The following EIF4G3 variants were observed in gnomAD, a reference collection of about 807,000 sequenced individuals.
The protein encoded by EIF4G3 is eIF-4-gamma 3.
In EIF4G3, 34 loss-of-function variants were observed where a neutral mutation model predicts 186.4. That is an observed-to-expected ratio of 0.18 (90% CI 0.14 to 0.24). EIF4G3 has a LOEUF of 0.24. Ranked by LOEUF, EIF4G3 falls within the 10% of genes least tolerant of loss-of-function variation. EIF4G3 has a pLI of 1.00. For missense variants in EIF4G3, 1,536 were observed against 1,948.5 expected, an observed-to-expected ratio of 0.79 and a Z score of 3.99; for synonymous variants, 673 against 679.5, an observed-to-expected ratio of 0.99 and a Z score of 0.15.
intron 14 of EIF4G3, among the ~76,000 whole-genome samples, chr1:20,927,788 C>G (rs1489916609): frequency 1.3e-5 from 2 of 152,230 alleles, no homozygotes; most frequent in Non-Finnish European, 2.9e-5. Flanking sequence ...AACCACTCTG[C>G]TTTGCCGGCC....
chr1:21,101,557 C>T (rs142188387), intron 2 of EIF4G3, among the ~76,000 whole-genome samples: 1 of 2,554 alleles, frequency 3.9e-4, no homozygotes, highest in East Asian at 0.083. Flanking sequence ...GCAACAGGGT[C>T]TCAGGAAAAA....
chr1:21,103,670 C>G (rs1312620298), intron 2 of EIF4G3, among the ~76,000 whole-genome samples: 1 of 152,096 alleles, frequency 6.6e-6, no homozygotes, highest in Non-Finnish European at 1.5e-5. Context: ...ATGGTGAAAC[C>G]TCATCTCTAC....
At chr1:21,049,094 T>C (rs780242669) in intron 4 of EIF4G3, among the ~76,000 whole-genome samples, 1 of 152,186 alleles carries the variant, frequency 6.6e-6, no homozygotes, top group Admixed American at 6.5e-5. Flanking sequence ...GGGAAACAGA[T>C]ATGCAGTAAG....
chr1:21,018,857 G>A (rs1307482875), intron 4 of EIF4G3, among the ~76,000 whole-genome samples: 2 of 151,828 alleles, frequency 1.3e-5, no homozygotes, highest in Non-Finnish European at 2.9e-5. Context: ...GCCCTTATCT[G>A]AAGCAGGTGT....
At chr1:20,926,633 C>T (rs1410343784) in intron 14 of EIF4G3, among the ~76,000 whole-genome samples, 4 of 150,330 alleles carry the variant, frequency 2.7e-5, no homozygotes, top group African/African-American at 9.8e-5. Context: ...TGCCACTGCA[C>T]TCTAGTCTGG....
At chr1:21,053,935 C>G (rs969266162) in intron 3 of EIF4G3, among the ~76,000 whole-genome samples, 66 of 151,992 alleles carry the variant, frequency 4.3e-4, no homozygotes, top group African/African-American at 1.6e-3. Context: ...AGTGAGGAGC[C>G]CCTCTGCCCG....
chr1:20,982,508 C>A, intron 7 of EIF4G3, 100 bp from the exon 8 acceptor site: 1 of 728,900 alleles, frequency 1.4e-6, no homozygotes. Flanking sequence ...TGCAGCTCAA[C>A]AAAAATATCT....
chr1:21,102,259 T>C (rs1260492428), intron 2 of EIF4G3, among the ~76,000 whole-genome samples: 1 of 152,214 alleles, frequency 6.6e-6, no homozygotes, highest in Non-Finnish European at 1.5e-5. Context: ...GAGACCAGCC[T>C]GGCCACCATG....
At chr1:21,015,792 T>C (rs1365456830) in intron 4 of EIF4G3, among the ~76,000 whole-genome samples, 1 of 149,492 alleles carries the variant, frequency 6.7e-6, no homozygotes, top group African/African-American at 2.5e-5. Context: ...ATGAGAATTC[T>C]ATATCCAGCA....
chr1:21,168,740 T>C (rs900642233), intron 2 of EIF4G3, among the ~76,000 whole-genome samples: 9 of 152,036 alleles, frequency 5.9e-5, no homozygotes, highest in Non-Finnish European at 1.3e-4. Flanking sequence ...AAAGTACTTT[T>C]CATGGCAGAT....
At position 21,002,807 on chromosome 1, in the gene EIF4G3, G is replaced by T. The variant is rs777337392; in HGVS notation, c.-65C>A. The T allele has an allele frequency of 6.4e-7, 1 of 1,562,272 alleles. No individual in the cohort carries two copies. Among genetic ancestry groups the T allele is most frequent in the Admixed American group, 1.7e-5 (1 of 57,700 alleles). On this transcript the variant is annotated splice_region_variant and 5_prime_UTR_variant, in exon 5 of 37. Transcript: ENST00000602326. ...TGCATTCTGTCCAGAGGGATAAGGG[G>T]TCTGTCAAAAAATGGCAAGAACAAT...
intron 4 of EIF4G3, among the ~76,000 whole-genome samples, chr1:21,024,136 G>A (rs1313433445): frequency 4.6e-5 from 7 of 151,024 alleles, no homozygotes; most frequent in African/African-American, 1.7e-4. Flanking sequence ...GAGCGTCTCC[G>A]CCCGGCAGTC....
intron 2 of EIF4G3, among the ~76,000 whole-genome samples, chr1:21,108,721 T>C (rs1413649490): frequency 6.6e-6 from 1 of 151,172 alleles, no homozygotes; most frequent in Non-Finnish European, 1.5e-5. Flanking sequence ...CTGGCCAACA[T>C]GGCAAAACCC....
At chr1:20,956,345 T>C (rs1205208239) in intron 12 of EIF4G3, among the ~76,000 whole-genome samples, 1 of 152,096 alleles carries the variant, frequency 6.6e-6, no homozygotes, top group Non-Finnish European at 1.5e-5. Context: ...CGGTGTGATA[T>C]GATTTATGTT....
At chr1:21,174,400 C>T (rs1370979232) in intron 2 of EIF4G3, among the ~76,000 whole-genome samples, 1 of 152,210 alleles carries the variant, frequency 6.6e-6, no homozygotes, top group Non-Finnish European at 1.5e-5. Context: ...AACAGTGTCA[C>T]ATTCAGCACT....
intron 2 of EIF4G3, among the ~76,000 whole-genome samples, chr1:21,105,428 T>TA (rs1020078314): frequency 1.6e-4 from 22 of 133,936 alleles, no homozygotes; most frequent in Middle Eastern, 4.0e-3. Context: ...AACTCCGTCT[T>TA]AAAAAAAAAA....
At chr1:20,844,805 C>G (rs2070176311) in intron 29 of EIF4G3, among the ~76,000 whole-genome samples, 1 of 152,010 alleles carries the variant, frequency 6.6e-6, no homozygotes, top group Non-Finnish European at 1.5e-5. Context: ...GCACTCCAGC[C>G]TGGGCGACAA....
chr1:20,913,963 C>T (rs531568329), intron 14 of EIF4G3, among the ~76,000 whole-genome samples: 23 of 151,968 alleles, frequency 1.5e-4, no homozygotes, highest in South Asian at 1.5e-3. Flanking sequence ...CATGCCGCCA[C>T]GCCTGGATAA....
At chr1:21,119,958 T>TAGAG (rs2096897636) in intron 2 of EIF4G3, among the ~76,000 whole-genome samples, 1 of 151,898 alleles carries the variant, frequency 6.6e-6, no homozygotes, top group Admixed American at 6.6e-5. Context: ...AAATGTCAGC[T>TAGAG]CTATAGGTAT....
Sources: allele counts gnomAD v4.1 joint callset (sites outside exome capture counted in the v4.1 genomes callset), GRCh38; gene constraint gnomAD v4.1.1; transcripts MANE v1.5; gene names NCBI Gene and HGNC (gene_info 2026-07-23, HGNC 2026-07-21).